ZYG11B: variants seen among roughly 807,000 people sequenced by gnomAD.
ZYG11B encodes protein zyg-11 homolog B.
A neutral mutation model predicts 82.4 loss-of-function variants in ZYG11B; 36 were observed. The ratio of observed to expected loss-of-function variants is 0.44; its 90% CI spans 0.33 to 0.58. The LOEUF (loss-of-function observed/expected upper bound fraction) is 0.58, where lower values mean the gene tolerates loss of function less well. ZYG11B is among the 20% of genes least tolerant of loss of function. The pLI, the probability that ZYG11B is intolerant of heterozygous loss-of-function variation, is 0.02. For missense variants in ZYG11B, 552 were observed against 895.6 expected, an observed-to-expected ratio of 0.62 and a Z score of 4.90; for synonymous variants, 303 against 312.8, an observed-to-expected ratio of 0.97 and a Z score of 0.33.
intron 1 of ZYG11B, among the ~76,000 whole-genome samples, chr1:52,750,734 C>T (rs1460065731): frequency 6.6e-6 from 1 of 152,058 alleles, no homozygotes; most frequent in East Asian, 1.9e-4. Context: ...AAAAAGAAGC[C>T]CTGTGCCCAC....
chr1:52,782,796 T>C (rs892366768), intron 4 of ZYG11B, among the ~76,000 whole-genome samples: 1 of 151,984 alleles, frequency 6.6e-6, no homozygotes, highest in African/African-American at 2.4e-5. Flanking sequence ...TTTAAAAAAA[T>C]TTTTTGTAGA....
At chr1:52,773,674 G>A (rs1186459379) in intron 3 of ZYG11B, among the ~76,000 whole-genome samples, 3 of 91,194 alleles carry the variant, frequency 3.3e-5, no homozygotes, top group African/African-American at 4.5e-5. Flanking sequence ...ATGGAGTCTC[G>A]CTCTGTCGCC....
chr1:52,727,204 T>C (rs530431042), intron 1 of ZYG11B, among the ~76,000 whole-genome samples: 1 of 151,892 alleles, frequency 6.6e-6, no homozygotes. Flanking sequence ...CCTCGCTCGG[T>C]TCGCCGTCGC....
At chr1:52,766,613 A>T (rs1331181836) in intron 2 of ZYG11B, among the ~76,000 whole-genome samples, 1 of 152,108 alleles carries the variant, frequency 6.6e-6, no homozygotes, top group Non-Finnish European at 1.5e-5. Context: ...TTTAGGTGAT[A>T]TGAGACTTTT....
chr1:52,743,403 A>G, intron 1 of ZYG11B, among the ~76,000 whole-genome samples: 1 of 20,052 alleles, frequency 5.0e-5, no homozygotes, highest in Non-Finnish European at 7.3e-5. Flanking sequence ...AATAAATACT[A>G]AAAAAAAAAA....
In ZYG11B at chr1:52,821,633, C is replaced by T. The variant is rs183602283; in HGVS notation, c.*4C>T. ...GCCCCAAGCCAGACTAAATTGATAG[C>T]CATAAGTATTGGATAGTTGAATCAC... On this transcript the variant is annotated 3_prime_UTR_variant, in exon 14 of 14. Transcript: ENST00000294353. 2.0e-4 allele frequency: 325 copies of T among 1,607,702 alleles called. 1 individual carries two copies. The African/African-American group carries it at 4.0e-3, about 20-fold the overall frequency.
In ZYG11B at chr1:52,771,105, T is replaced by C. The variant is rs755785131; in HGVS notation, c.282T>C (p.Ser94=). The stretch of plus-strand genomic sequence containing the variant: ...CCTGCATTCGCAAAGCAAAGATCTC[T>C]GCTGTTGCTTTCCGGAAAGCTTTCT... ...KRACIRKAKI[S]AVAFRKAFCH... Residue 94 remains serine (S), a synonymous_variant, in exon 3 of 14, where the codon TCT becomes TCC. Transcript: ENST00000294353. This position sits in a 1 kb window ranked among gnomAD's most constrained non-coding sequence, Gnocchi z 5.4. 1.2e-6 allele frequency: 2 copies of C among 1,614,222 alleles called. No homozygotes were observed. The highest frequency in any genetic ancestry group is 4.5e-5 in the East Asian group (2 of 44,892).
At chr1:52,753,848 G>A (rs1052520386) in intron 1 of ZYG11B, among the ~76,000 whole-genome samples, 17 of 152,132 alleles carry the variant, frequency 1.1e-4, no homozygotes, top group African/African-American at 4.1e-4. Flanking sequence ...CACCCGCCTC[G>A]GCCTCCCAAA....
intron 1 of ZYG11B, chr1:52,754,599 C>G (rs1287248284): frequency 6.6e-6 from 1 of 152,208 alleles, no homozygotes; most frequent in Non-Finnish European, 1.5e-5. Flanking sequence ...TCAGACTGGT[C>G]TCAAACTGCT....
chr1:52,819,798 T>A (rs567341), intron 13 of ZYG11B, among the ~76,000 whole-genome samples: 68,262 of 145,708 alleles, frequency 0.47, 18,317 homozygotes, highest in East Asian at 0.96. Flanking sequence ...AAAAAAATAA[T>A]AATAATAATA....
intron 1 of ZYG11B, among the ~76,000 whole-genome samples, chr1:52,743,910 C>A (rs1423557781): frequency 6.6e-6 from 1 of 151,734 alleles, no homozygotes; most frequent in African/African-American, 2.4e-5. Context: ...ATCTTCTATG[C>A]CTATCCCTAC....
At chr1:52,797,367 AAT>A (rs1210097461) in intron 8 of ZYG11B, among the ~76,000 whole-genome samples, 1 of 20,940 alleles carries the variant, frequency 4.8e-5, no homozygotes, top group Non-Finnish European at 5.9e-5. Flanking sequence ...TAATACATAT[AAT>A]ATATAATATA....
chr1:52,771,739 T>C lies in ZYG11B; in HGVS notation c.916T>C (p.Tyr306His), dbSNP rs1424731191. The C allele has an allele frequency of 2.5e-6, 4 of 1,613,256 alleles. No homozygotes were observed. The Admixed American group carries it at 6.7e-5, about 27-fold the overall frequency. The change falls in exon 3 of 14, where the codon TAC (tyrosine) becomes CAC (histidine). Residue 306 changes from tyrosine to histidine, a missense_variant. Tyr to His is a moderately conservative substitution (Grantham distance 83). This residue lies in a region of ZYG11B where 359 missense variants were observed against 555.8 expected (regional missense o/e 0.65). Coordinates refer to ENST00000294353, the MANE Select transcript of ZYG11B (RefSeq NM_024646.3). The surrounding 1 kb of genome is among the most constrained non-coding windows in gnomAD (Gnocchi z 5.4). ...FVGLLATDAGYSEFLTGEGHL... is the reference protein window; with the variant it reads ...FVGLLATDAGHSEFLTGEGHL... ...AGGTTTGCTGGCTACTGATGCTGGT[T>C]ACTCTGAATTCCTCACAGGCGAAGG...
intron 4 of ZYG11B, among the ~76,000 whole-genome samples, chr1:52,784,253 G>A (rs1571776785): frequency 6.6e-6 from 1 of 152,004 alleles, no homozygotes. Context: ...TGGCCTCCCA[G>A]AGTGCTGGGA....
At chr1:52,797,286 TATA>T (rs1264053499) in intron 8 of ZYG11B, among the ~76,000 whole-genome samples, 20 of 84,344 alleles carry the variant, frequency 2.4e-4, no homozygotes, top group Admixed American at 8.6e-4. Flanking sequence ...ATATTTATAT[TATA>T]TATAAAATAT....
intron 13 of ZYG11B, among the ~76,000 whole-genome samples, chr1:52,818,934 C>T (rs902249079): frequency 2.6e-5 from 4 of 151,914 alleles, no homozygotes; most frequent in Admixed American, 6.6e-5. Context: ...ACTGGGACTA[C>T]AGGAACACGC....
In ZYG11B at chr1:52,756,596, C is replaced by T; in HGVS notation, c.169C>T (p.Arg57Ter). ...PGVFPQEVAD[R>*]LLRTMAFHGL... ...AGTATTCCCACAGGAGGTGGCTGAT[C>T]GACTGCTTCGGACCATGGCTTTTCA... The change falls in exon 2 of 14, where the codon CGA becomes TGA. Residue 57 changes from arginine (R) to a stop codon, truncating the protein, a stop_gained. Transcript: ENST00000294353. LOFTEE classifies it high-confidence loss of function. 6.2e-7 allele frequency: 1 copy of T among 1,613,650 alleles called. No individual in the cohort carries two copies. Among genetic ancestry groups the T allele is most frequent in the Non-Finnish European group, 8.5e-7 (1 of 1,179,836 alleles).
At chr1:52,807,897 C>A (rs1032646437) in intron 10 of ZYG11B, among the ~76,000 whole-genome samples, 1 of 152,114 alleles carries the variant, frequency 6.6e-6, no homozygotes, top group Admixed American at 6.6e-5. Context: ...CTTTACTTAA[C>A]CTTTGTTTTT....
chr1:52,813,961 C>G, intron 12 of ZYG11B, 49 bp downstream of exon 12: 1 of 1,572,362 alleles, frequency 6.4e-7, no homozygotes, highest in Non-Finnish European at 8.7e-7. Flanking sequence ...GTCTAGAGAT[C>G]ATTCCTAAGA....
Sources: allele counts gnomAD v4.1 joint callset (sites outside exome capture counted in the v4.1 genomes callset), GRCh38; gene constraint gnomAD v4.1.1; regional missense constraint gnomAD v4.1.1; non-coding constraint Gnocchi (gnomAD v3.1); transcripts MANE v1.5; gene names NCBI Gene and HGNC (gene_info 2026-07-23, HGNC 2026-07-21).